MLLT3: variants seen among roughly 807,000 people sequenced by gnomAD.
MLLT3 encodes MLLT3 super elongation complex subunit.
In MLLT3, 4 loss-of-function variants were observed where a neutral mutation model predicts 53.2. That is an observed-to-expected ratio of 0.08 (90% confidence interval 0.04 to 0.17). The LOEUF (loss-of-function observed/expected upper bound fraction) is 0.17. MLLT3 is among the 10% of genes least tolerant of loss of function. MLLT3 has a pLI of 1.00. For synonymous variants in MLLT3, 283 were observed against 230.6 expected (o/e 1.23, Z -2.06); for missense variants, 569 against 684.0 (o/e 0.83, Z 1.87).
intron 2 of MLLT3, among the ~76,000 whole-genome samples, chr9:20,569,729 T>G (rs981011507): frequency 2.6e-5 from 4 of 152,160 alleles, no homozygotes; most frequent in African/African-American, 9.7e-5. Context: ...TCCCAGTTTC[T>G]CCACTCACAA....
chr9:20,559,307 T>C (rs971322259), intron 2 of MLLT3, among the ~76,000 whole-genome samples: 1 of 152,186 alleles, frequency 6.6e-6, no homozygotes, highest in East Asian at 1.9e-4. Context: ...GCTGAGACAC[T>C]TTTAACTTTT....
chr9:20,378,923 T>C (rs746202168), intron 5 of MLLT3, among the ~76,000 whole-genome samples: 1 of 152,026 alleles, frequency 6.6e-6, no homozygotes, highest in Non-Finnish European at 1.5e-5. Context: ...TATTCCTGAT[T>C]AGTAATATTA....
In MLLT3 at chr9:20,586,666, C is replaced by T. The variant is rs78926567; in HGVS notation, c.193+33988G>A. On this transcript the variant is annotated intron_variant, in intron 2 of 10. Coordinates refer to ENST00000380338, the MANE Select transcript of MLLT3 (RefSeq NM_004529.4). The stretch of plus-strand genomic sequence containing the variant: ...CAAGTCAAACTCCAATTTAAAGCCC[C>T]TAATAAACATCAAGGAGTTTTTTTT... 4.4e-3 allele frequency among the ~76,000 whole-genome samples: 613 copies of T among 139,306 alleles called. 11 individuals carry two copies. In the East Asian group the frequency reaches 0.051, roughly 12 times the overall value. 91.4% of individuals were successfully genotyped at this position (139,306 alleles called of 152,430 possible).
intron 2 of MLLT3, among the ~76,000 whole-genome samples, chr9:20,516,480 T>C (rs962885416): frequency 7.2e-5 from 11 of 152,230 alleles, no homozygotes; most frequent in Admixed American, 2.6e-4. Flanking sequence ...TTGTTATTCC[T>C]CATTTTCTAT....
chr9:20,557,464 C>T (rs1169274062), intron 2 of MLLT3, among the ~76,000 whole-genome samples: 1 of 152,158 alleles, frequency 6.6e-6, no homozygotes, highest in Non-Finnish European at 1.5e-5. Flanking sequence ...TAAAGCCCTG[C>T]TTGACAGTTT....
intron 2 of MLLT3, among the ~76,000 whole-genome samples, chr9:20,464,822 A>G (rs977069042): frequency 5.9e-5 from 9 of 152,010 alleles, no homozygotes; most frequent in South Asian, 4.1e-4. Context: ...GGTGAAAGCC[A>G]TTTCTTCCTT....
intron 2 of MLLT3, among the ~76,000 whole-genome samples, chr9:20,589,953 C>A (rs1820085111): frequency 6.6e-6 from 1 of 152,136 alleles, no homozygotes; most frequent in Non-Finnish European, 1.5e-5. Flanking sequence ...TCGTGATCCA[C>A]CTGCCTCGGC....
At chr9:20,562,944 T>C (rs977034701) in intron 2 of MLLT3, among the ~76,000 whole-genome samples, 11 of 152,198 alleles carry the variant, frequency 7.2e-5, no homozygotes, top group Non-Finnish European at 1.5e-4. Flanking sequence ...ATTTTACTTA[T>C]ACTGTACCCA....
At chr9:20,467,709 G>GC (rs1438386924) in intron 2 of MLLT3, among the ~76,000 whole-genome samples, 1 of 152,170 alleles carries the variant, frequency 6.6e-6, no homozygotes, top group African/African-American at 2.4e-5. Context: ...ATTGCCTATT[G>GC]CCCCAAATAA....
intron 2 of MLLT3, among the ~76,000 whole-genome samples, chr9:20,531,186 AGTGTAAT>A (rs1818326717): frequency 7.3e-6 from 1 of 137,088 alleles, no homozygotes; most frequent in Admixed American, 8.2e-5. Context: ...CCCAGGCTGG[AGTGTAAT>A]GGCGCGATCT....
intron 3 of MLLT3, among the ~76,000 whole-genome samples, chr9:20,452,679 A>G (rs1016168891): frequency 6.6e-5 from 10 of 152,192 alleles, no homozygotes; most frequent in Non-Finnish European, 1.2e-4. Flanking sequence ...ATTTTTACCA[A>G]TGGATCATTT....
At chr9:20,562,032 A>G (rs1257282935) in intron 2 of MLLT3, among the ~76,000 whole-genome samples, 1 of 152,118 alleles carries the variant, frequency 6.6e-6, no homozygotes, top group Non-Finnish European at 1.5e-5. Context: ...CTCAGACACA[A>G]TAATTTAAAT....
intron 2 of MLLT3, chr9:20,532,920 C>G (rs1818382489): frequency 7.8e-6 from 2 of 256,404 alleles, no homozygotes; most frequent in Admixed American, 5.1e-5. Context: ...GAAGAAAGCT[C>G]CCAGCAAAGG....
chr9:20,546,315 G>T (rs1818787607), intron 2 of MLLT3, among the ~76,000 whole-genome samples: 1 of 152,216 alleles, frequency 6.6e-6, no homozygotes, highest in Non-Finnish European at 1.5e-5. Context: ...AAGGCAGGAA[G>T]ATGGCTTGAG....
chr9:20,611,049 A>G (rs964497795), intron 2 of MLLT3, among the ~76,000 whole-genome samples: 1 of 152,190 alleles, frequency 6.6e-6, no homozygotes, highest in Non-Finnish European at 1.5e-5. Context: ...TGTTTCTTCA[A>G]TATAAAAAAG....
chr9:20,542,218 C>T (rs1421417885), intron 2 of MLLT3, among the ~76,000 whole-genome samples: 1 of 150,776 alleles, frequency 6.6e-6, no homozygotes, highest in African/African-American at 2.4e-5. Context: ...TAACCAGGCA[C>T]ATGGTCAATG....
At chr9:20,510,613 G>GAAAAAA (rs36032614) in intron 2 of MLLT3, among the ~76,000 whole-genome samples, 1 of 105,962 alleles carries the variant, frequency 9.4e-6, no homozygotes. Context: ...CTCCATCTCA[G>GAAAAAA]AAAAAAAAAA....
intron 2 of MLLT3, among the ~76,000 whole-genome samples, chr9:20,559,811 C>T (rs1009604846): frequency 1.3e-5 from 2 of 152,116 alleles, no homozygotes; most frequent in African/African-American, 4.8e-5. Flanking sequence ...TCAATATGCA[C>T]AACATAGTTT....
At chr9:20,571,479 T>G (rs551825143) in intron 2 of MLLT3, among the ~76,000 whole-genome samples, 1 of 152,240 alleles carries the variant, frequency 6.6e-6, no homozygotes, top group East Asian at 1.9e-4. Context: ...CTGGGATACA[T>G]GTGCAGAACA....
Sources: allele counts gnomAD v4.1 joint callset (sites outside exome capture counted in the v4.1 genomes callset), GRCh38; gene constraint gnomAD v4.1.1; transcripts MANE v1.5; gene names NCBI Gene and HGNC (gene_info 2026-07-23, HGNC 2026-07-21).